The following SDK2 variants were observed in gnomAD, a reference collection of about 807,000 sequenced individuals.
SDK2 encodes the protein protein sidekick-2.
Under a neutral mutation model 253.9 loss-of-function variants are expected in SDK2, and 105 were observed. The observed-to-expected ratio is 0.41, with a 90% CI of 0.35 to 0.49. SDK2 has a LOEUF of 0.49. Among genes scored for constraint, SDK2 ranks in the 20% least tolerant of loss-of-function variants. The probability of loss-of-function intolerance (pLI) is 0.06; values close to 1 mark genes in which losing one functional copy is unlikely to be tolerated. For missense variants in SDK2, 2,608 were observed against 3,003.0 expected (o/e 0.87, Z 3.07); for synonymous variants, 1,249 against 1,234.9 (o/e 1.01, Z -0.24).
At position 73,390,312 on chromosome 17, in the gene SDK2, G is replaced by T; in HGVS notation, c.4167C>A (p.Ala1389=). ...CTCTCTTCTCGGTGGTCACCACCAA[G>T]GCCTCGGCAGCTTCTCCCCAGCCCT... ...TRKGWGEAAE[A]LVVTTEKRDR... Residue 1389 remains alanine (A), a synonymous_variant, in exon 29 of 45, where the codon GCC becomes GCA. Coordinates refer to ENST00000392650, the MANE Select transcript of SDK2 (RefSeq NM_001144952.2). 1 of 1,481,390 alleles carries T rather than the reference G, an allele frequency of 6.8e-7. No individual in the cohort carries two copies. The highest frequency in any genetic ancestry group is 9.0e-7 in the Non-Finnish European group (1 of 1,111,948). The allele number at this position is 1,481,390 out of a possible 1,614,324, so 91.8% of individuals were successfully genotyped here. A position where few individuals can be genotyped will look rare whatever the true frequency, so the allele number is the denominator to read the frequency against.
chr17:73,627,392 T>C lies in SDK2; in HGVS notation c.64+16633A>G, dbSNP rs562268432. Among the ~76,000 whole-genome samples, 5 of 152,324 alleles carry C rather than the reference T, an allele frequency of 3.3e-5. No individual in the cohort carries two copies. In the East Asian group the frequency reaches 9.7e-4, roughly 29 times the overall value. On this transcript the variant is annotated intron_variant, in intron 1 of 44. Coordinates refer to ENST00000392650, the MANE Select transcript of SDK2 (RefSeq NM_001144952.2). ...TCAAATATGGGATGAAAAGGAACAC[T>C]GTATTCTTAAGACCGCATCTTTCAG...
At chr17:73,628,482 G>A (rs2046230457) in intron 1 of SDK2, among the ~76,000 whole-genome samples, 1 of 152,220 alleles carries the variant, frequency 6.6e-6, no homozygotes, top group Non-Finnish European at 1.5e-5. Context: ...GTCACTGTGA[G>A]CTTTTATGAT....
At chr17:73,401,799 G>C in intron 19 of SDK2, 47 bp from the exon 20 acceptor site, 1 of 1,508,800 alleles carries the variant, frequency 6.6e-7, no homozygotes, top group Non-Finnish European at 9.0e-7. Flanking sequence ...GTTAGAGCCA[G>C]AGAGAGACCA....
rs767445874 is a variant in SDK2, at chr17:73,361,649, G to A, written c.5467+35C>T. 1.2e-5 allele frequency: 19 copies of A among 1,593,910 alleles called. No homozygotes were observed. The South Asian group carries it at 1.4e-4, about 12-fold the overall frequency. ...TTCTGACTGGGGACGCTGAACCGCCGTGTGGAAGACATGCCTGGTCCGTTG... is the reference window on the plus strand; with the variant it reads ...TTCTGACTGGGGACGCTGAACCGCCATGTGGAAGACATGCCTGGTCCGTTG... On this transcript the variant is annotated intron_variant, in intron 39 of 44. Transcript: ENST00000392650. This position sits in a 1 kb window ranked among gnomAD's most constrained non-coding sequence, Gnocchi z 4.1.
chr17:73,354,027 G>A (rs1373655598), intron 40 of SDK2, among the ~76,000 whole-genome samples: 1 of 151,942 alleles, frequency 6.6e-6, no homozygotes. Flanking sequence ...AGTAACAGCT[G>A]CAGGAAAGAT....
At chr17:73,559,598 G>GGCC (rs2045197420) in intron 1 of SDK2, among the ~76,000 whole-genome samples, 11 of 122,168 alleles carry the variant, frequency 9.0e-5, no homozygotes, top group African/African-American at 2.4e-4. Flanking sequence ...CGCTCCCTGT[G>GGCC]CCCCCCGCCC....
chr17:73,518,098 G>A (rs1186554179), intron 1 of SDK2: 1 of 152,262 alleles, frequency 6.6e-6, no homozygotes, highest in East Asian at 1.9e-4. Context: ...GAAGAGCCCA[G>A]ATCCATGAGA....
At chr17:73,424,320 G>T (rs529110532) in intron 12 of SDK2, among the ~76,000 whole-genome samples, 1 of 152,130 alleles carries the variant, frequency 6.6e-6, no homozygotes, top group Non-Finnish European at 1.5e-5. Flanking sequence ...GAGAGCGAAC[G>T]CATTCAGTCA....
chr17:73,533,069 C>A (rs1329256521), intron 1 of SDK2, among the ~76,000 whole-genome samples: 1 of 152,244 alleles, frequency 6.6e-6, no homozygotes, highest in Non-Finnish European at 1.5e-5. Flanking sequence ...TCCTGCCTTT[C>A]TCAGAGTCTC....
intron 1 of SDK2, among the ~76,000 whole-genome samples, chr17:73,536,417 C>T (rs2044772470): frequency 6.6e-6 from 1 of 152,242 alleles, no homozygotes; most frequent in African/African-American, 2.4e-5. Context: ...AACCCCTCTC[C>T]AGCCTCCTTC....
intron 18 of SDK2, among the ~76,000 whole-genome samples, chr17:73,405,507 T>TACATAC (rs1555762635): frequency 2.0e-5 from 1 of 51,164 alleles, no homozygotes; most frequent in Non-Finnish European, 4.1e-5. Flanking sequence ...TATATATATA[T>TACATAC]ATATATATAT....
chr17:73,617,657 A>G (rs1044261168), intron 1 of SDK2, among the ~76,000 whole-genome samples: 3 of 151,944 alleles, frequency 2.0e-5, no homozygotes, highest in East Asian at 3.9e-4. Context: ...TGCCAATACA[A>G]CTCCATCTCC....
Position 73,352,565 on chromosome 17 carries a change from A to T in SDK2, c.5666T>A (p.Ile1889Asn). The T allele has an allele frequency of 7.4e-6, 12 of 1,614,058 alleles. No individual in the cohort carries two copies. Among genetic ancestry groups the T allele is most frequent in the Non-Finnish European group, 9.3e-6 (11 of 1,179,896 alleles). Residue 1889 changes from isoleucine to asparagine, a missense_variant, in exon 41 of 45, where the codon ATC becomes AAC. Physicochemically the swap from Ile to Asn is moderately radical, Grantham distance 149 (BLOSUM62 -3). This residue lies in a region of SDK2 where 1,103 missense variants were observed against 1,143.9 expected (regional missense o/e 0.96). Transcript: ENST00000392650. The surrounding 1 kb of genome is among the most constrained non-coding windows in gnomAD (Gnocchi z 4.1). ...EVSSYTFSMD[I>N]LKPGVSYDFR... is the part of the protein sequence containing the mutation. ...GTCATAGCTCACGCCCGGCTTCAGG[A>T]TGTCCATGCTGAACGTGTAGGAGCT...
chr17:73,460,426 A>G (rs1305937224), intron 3 of SDK2, among the ~76,000 whole-genome samples: 1 of 152,256 alleles, frequency 6.6e-6, no homozygotes, highest in African/African-American at 2.4e-5. Context: ...TCCAGATTCT[A>G]GAGCCACAGA....
chr17:73,561,533 C>A (rs2045234315), intron 1 of SDK2, among the ~76,000 whole-genome samples: 1 of 152,228 alleles, frequency 6.6e-6, no homozygotes, highest in Non-Finnish European at 1.5e-5. Context: ...TTGTCCTGGG[C>A]TCTAGGAGAC....
chr17:73,628,436 C>G (rs2046229800), intron 1 of SDK2, among the ~76,000 whole-genome samples: 1 of 152,232 alleles, frequency 6.6e-6, no homozygotes, highest in South Asian at 2.1e-4. Context: ...GATCCACAGA[C>G]AGCATCTAGA....
In SDK2 at chr17:73,442,325, C is replaced by T. The variant is rs145748097; in HGVS notation, c.614-1402G>A. On this transcript the variant is annotated intron_variant, in intron 5 of 44. Transcript: ENST00000392650. ...CCCCAGCTGTGGTGCTTTGTTATGG[C>T]ACCAAGAGCTGACTCATGCAGTCTT... is the stretch of plus-strand genomic sequence containing the variant. 2.3e-3 allele frequency among the ~76,000 whole-genome samples: 352 copies of T among 149,826 alleles called. 2 individuals carry two copies. Among genetic ancestry groups the T allele is most frequent in the African/African-American group, 8.2e-3 (337 of 40,890 alleles).
At chr17:73,411,558 C>T (rs983242433) in intron 18 of SDK2, among the ~76,000 whole-genome samples, 8 of 152,242 alleles carry the variant, frequency 5.3e-5, no homozygotes, top group Non-Finnish European at 7.4e-5. Context: ...GTCTGCCCCA[C>T]GTTGCTGGGG....
At chr17:73,453,774 TG>T (rs2063504596) in intron 4 of SDK2, among the ~76,000 whole-genome samples, 1 of 152,184 alleles carries the variant, frequency 6.6e-6, no homozygotes, top group Non-Finnish European at 1.5e-5. Context: ...TAGAACCACC[TG>T]GGGAGCTTTT....
Sources: allele counts gnomAD v4.1 joint callset (sites outside exome capture counted in the v4.1 genomes callset), GRCh38; gene constraint gnomAD v4.1.1; regional missense constraint gnomAD v4.1.1; non-coding constraint Gnocchi (gnomAD v3.1); transcripts MANE v1.5; gene names NCBI Gene and HGNC (gene_info 2026-07-23, HGNC 2026-07-21).